The following RBFOX1 variants were observed in gnomAD, a reference collection of about 807,000 sequenced individuals.
RBFOX1 encodes the protein RNA binding protein fox-1 homolog 1.
RBFOX1 carries 8 observed loss-of-function variants against 57.7 expected under a neutral mutation model. The observed-to-expected ratio is 0.14, with a 90% CI of 0.08 to 0.25. The LOEUF is 0.25. Ranked by LOEUF, RBFOX1 falls within the 10% of genes least tolerant of loss-of-function variation. RBFOX1 has a pLI of 1.00. For missense variants in RBFOX1, 611 were observed against 548.5 expected (o/e 1.11, Z -1.14); for synonymous variants, 326 against 222.4 (o/e 1.47, Z -4.15).
At chr16:6,719,110 A>C (rs985739474) in intron 3 of RBFOX1, among the ~76,000 whole-genome samples, 22 of 152,094 alleles carry the variant, frequency 1.4e-4, no homozygotes, top group Non-Finnish European at 2.9e-5. Flanking sequence ...CAAGGGATTT[A>C]CTTGCCTTGA....
intron 2 of RBFOX1, among the ~76,000 whole-genome samples, chr16:6,429,571 C>G (rs1188934647): frequency 6.6e-6 from 1 of 152,006 alleles, no homozygotes; most frequent in Admixed American, 6.6e-5. Flanking sequence ...TGGCTGTGTC[C>G]CCACCCAAAT....
intron 4 of RBFOX1, among the ~76,000 whole-genome samples, chr16:7,302,768 C>G (rs2096064865): frequency 6.9e-6 from 1 of 144,168 alleles, no homozygotes; most frequent in South Asian, 2.2e-4. Flanking sequence ...CTGTCAGGAC[C>G]AAGGACGAGT....
chr16:5,703,389 A>G (rs1360977197), intron 3 of RBFOX1, among the ~76,000 whole-genome samples: 2 of 152,170 alleles, frequency 1.3e-5, no homozygotes, highest in East Asian at 3.9e-4. Flanking sequence ...CTAAATTGGG[A>G]TGGAGTTTGG....
intron 1 of RBFOX1, among the ~76,000 whole-genome samples, chr16:5,453,955 G>T (rs2068504792): frequency 6.6e-6 from 1 of 152,114 alleles, no homozygotes; most frequent in Non-Finnish European, 1.5e-5. Context: ...TGAAAAAGAT[G>T]GGGGAGGAAC....
chr16:6,422,462 C>G (rs1179365488), intron 2 of RBFOX1, among the ~76,000 whole-genome samples: 3 of 152,118 alleles, frequency 2.0e-5, no homozygotes, highest in African/African-American at 7.2e-5. Flanking sequence ...TATTAGTTCA[C>G]TTGTATTAGT....
intron 10 of RBFOX1, among the ~76,000 whole-genome samples, chr16:7,629,384 G>C (rs1388783771): frequency 6.6e-6 from 1 of 152,168 alleles, no homozygotes; most frequent in African/African-American, 2.4e-5. Context: ...AAGTCTCCAA[G>C]GATATAGAAA....
At chr16:5,701,189 G>A (rs1334146928) in intron 3 of RBFOX1, among the ~76,000 whole-genome samples, 2 of 152,118 alleles carry the variant, frequency 1.3e-5, no homozygotes, top group African/African-American at 4.8e-5. Flanking sequence ...TGCATTATTG[G>A]CTAATTGCTG....
intron 4 of RBFOX1, among the ~76,000 whole-genome samples, chr16:5,982,830 C>A (rs944082773): frequency 6.6e-6 from 1 of 152,176 alleles, no homozygotes; most frequent in Non-Finnish European, 1.5e-5. Flanking sequence ...GAATGTGGAG[C>A]CTTTGCTGTG....
At chr16:7,335,655 A>C (rs1406582865) in intron 4 of RBFOX1, among the ~76,000 whole-genome samples, 1 of 151,638 alleles carries the variant, frequency 6.6e-6, no homozygotes, top group Non-Finnish European at 1.5e-5. Context: ...TTAAGACGGC[A>C]TCCACCTAAT....
At chr16:7,198,837 G>T (rs1198788758) in intron 4 of RBFOX1, among the ~76,000 whole-genome samples, 1 of 152,196 alleles carries the variant, frequency 6.6e-6, no homozygotes, top group Non-Finnish European at 1.5e-5. Flanking sequence ...GACTTTGGGG[G>T]ACACATTGAA....
chr16:6,926,856 C>A (rs1000924393), intron 3 of RBFOX1, among the ~76,000 whole-genome samples: 1 of 152,106 alleles, frequency 6.6e-6, no homozygotes, highest in African/African-American at 2.4e-5. Context: ...ATCCACGTGA[C>A]TCTTTTTATT....
intron 4 of RBFOX1, among the ~76,000 whole-genome samples, chr16:7,357,251 C>G (rs1377512140): frequency 1.3e-5 from 2 of 148,678 alleles, no homozygotes; most frequent in African/African-American, 5.0e-5. Flanking sequence ...AAAAAAAAAT[C>G]TCTTGGATGG....
intron 3 of RBFOX1, among the ~76,000 whole-genome samples, chr16:5,663,810 A>G (rs893015684): frequency 5.3e-5 from 8 of 152,326 alleles, no homozygotes; most frequent in African/African-American, 1.9e-4. Context: ...TGTGCTTCAC[A>G]CGTCAAAGAC....
At chr16:5,869,533 C>T (rs1181446949) in intron 4 of RBFOX1, among the ~76,000 whole-genome samples, 1 of 152,122 alleles carries the variant, frequency 6.6e-6, no homozygotes, top group African/African-American at 2.4e-5. Context: ...TCCCAAGTAG[C>T]TGGGAGTACA....
At chr16:6,951,995 A>G (rs567031133) in intron 3 of RBFOX1, among the ~76,000 whole-genome samples, 1 of 152,344 alleles carries the variant, frequency 6.6e-6, no homozygotes, top group Admixed American at 6.5e-5. Context: ...CAACATTACC[A>G]AAAAGCATAT....
chr16:5,768,413 T>C (rs2053861953), intron 3 of RBFOX1, among the ~76,000 whole-genome samples: 1 of 152,170 alleles, frequency 6.6e-6, no homozygotes, highest in Non-Finnish European at 1.5e-5. Context: ...CAACATGACC[T>C]CACTGTTTAG....
intron 1 of RBFOX1, among the ~76,000 whole-genome samples, chr16:6,164,936 G>C (rs1002426988): frequency 6.6e-6 from 1 of 152,084 alleles, no homozygotes; most frequent in Non-Finnish European, 1.5e-5. Flanking sequence ...AGTAAAGTTT[G>C]GGGGGAAAGT....
intron 4 of RBFOX1, among the ~76,000 whole-genome samples, chr16:5,938,406 C>T (rs74006516): frequency 6.6e-6 from 1 of 152,098 alleles, no homozygotes; most frequent in African/African-American, 2.4e-5. Flanking sequence ...TTAGCAAGTT[C>T]GAATATTAAA....
At chr16:5,909,592 G>T (rs776656473) in intron 4 of RBFOX1, among the ~76,000 whole-genome samples, 9 of 152,136 alleles carry the variant, frequency 5.9e-5, no homozygotes, top group African/African-American at 1.9e-4. Context: ...CTTATCCTGA[G>T]TATAAGTGAA....
Sources: gnomAD v4.1 joint callset for allele counts (sites outside exome capture counted in the v4.1 genomes callset) on GRCh38, gnomAD v4.1.1 for gene constraint, MANE v1.5 for transcripts, NCBI Gene and HGNC (gene_info 2026-07-23, HGNC 2026-07-21) for gene names.